LAYN: variants seen among roughly 807,000 people sequenced by gnomAD.
The protein encoded by LAYN is layilin.
A neutral mutation model predicts 43.6 loss-of-function variants in LAYN; 38 were observed. That is an observed-to-expected ratio of 0.87 (90% CI 0.67 to 1.14). The LOEUF (loss-of-function observed/expected upper bound fraction) is 1.14, where lower values mean the gene tolerates loss of function less well. Ranked by LOEUF, LAYN falls within the 50% of genes most tolerant of loss-of-function variation. The pLI, the probability that LAYN is intolerant of heterozygous loss-of-function variation, is 0.00. For missense variants in LAYN, 479 were observed against 463.8 expected, an observed-to-expected ratio of 1.03 and a Z score of -0.30; for synonymous variants, 168 against 172.9, an observed-to-expected ratio of 0.97 and a Z score of 0.22.
At position 111,560,339 on chromosome 11, in the gene LAYN, G is replaced by A. The variant is rs17852273; in HGVS notation, c.1006G>A (p.Val336Met). Reference sequence around the variant, plus strand: ...TGTGAACCCATCAGAAAGTGGGTTTGTGACTCTGGTGAGCGTGGAGAGTGG... The same window carrying A: ...TGTGAACCCATCAGAAAGTGGGTTTATGACTCTGGTGAGCGTGGAGAGTGG... ...MAVNPSESGF[V>M]TLVSVESGFV... The change falls in exon 7 of 7, where the codon GTG becomes ATG. Residue 336 changes from valine (V) to methionine (M), a missense_variant. Physicochemically the swap from Val to Met is conservative, Grantham distance 21. Transcript: ENST00000375614. 2 of 1,614,132 alleles carry A rather than the reference G, an allele frequency of 1.2e-6. No individual in the cohort carries two copies. Among genetic ancestry groups the A allele is most frequent in the African/African-American group, 2.7e-5 (2 of 74,948 alleles).
chr11:111,541,630 C>G (rs1315213831), intron 1 of LAYN: 1 of 1,513,836 alleles, frequency 6.6e-7, no homozygotes, highest in Admixed American at 2.0e-5. Context: ...TTCTGCATGT[C>G]GGGGGGAGAA....
intron 6 of LAYN, among the ~76,000 whole-genome samples, chr11:111,558,863 C>T (rs1387808371): frequency 6.6e-6 from 1 of 151,616 alleles, no homozygotes; most frequent in African/African-American, 2.4e-5. Context: ...TCTCGGCTCA[C>T]TGCAACCTCC....
At chr11:111,540,698 C>T, upstream of LAYN, 4 of 736,714 alleles carry the variant, frequency 5.4e-6, no homozygotes, top group Admixed American at 7.3e-5. Context: ...CGACTGACTC[C>T]GCGCCCTCCC....
rs1235296391 is a variant in LAYN, at chr11:111,561,508, T to G, written c.*1050T>G. On this transcript the variant is annotated 3_prime_UTR_variant, in exon 7 of 7. Transcript: ENST00000375614. ...ATAACATGACTAATAATGATGACAG[T>G]TCTACCTTTTGTTGACAGACCTCAT... is the stretch of plus-strand genomic sequence containing the variant. The G allele has an allele frequency of 1.3e-5, 2 of 152,238 alleles. No homozygotes were observed. The highest frequency in any genetic ancestry group is 2.9e-5 in the Non-Finnish European group (2 of 68,042). 9.4% of individuals were successfully genotyped at this position (152,238 alleles called of 1,614,324 possible).
intron 6 of LAYN, among the ~76,000 whole-genome samples, chr11:111,557,853 C>G (rs1429376610): frequency 3.9e-5 from 6 of 152,162 alleles, no homozygotes; most frequent in Non-Finnish European, 4.4e-5. Flanking sequence ...ACTTGCTTTA[C>G]TGTCTGTACG....
intron 1 of LAYN, 87 bp from the exon 2 acceptor site, chr11:111,543,836 G>A (rs2135790351): frequency 2.2e-6 from 3 of 1,343,512 alleles, no homozygotes; most frequent in African/African-American, 1.5e-5. Flanking sequence ...TCCTACCCAG[G>A]GATACCTTCC....
chr11:111,554,547 T>G lies in LAYN; in HGVS notation c.542-14T>G. 1 of 1,608,312 alleles carries G rather than the reference T, an allele frequency of 6.2e-7. No individual in the cohort carries two copies. Among genetic ancestry groups the G allele is most frequent in the Non-Finnish European group, 8.5e-7 (1 of 1,176,434 alleles). On this transcript the variant is annotated splice_polypyrimidine_tract_variant and intron_variant, in intron 3 of 6. Coordinates refer to ENST00000375614, the MANE Select transcript of LAYN (RefSeq NM_178834.5). ...CTTACTACTTATTTTTGTTTTTGTT[T>G]CTTTCTACTACAGAGAAACCAGCAG...
At chr11:111,559,504 G>A (rs780033902) in intron 6 of LAYN, among the ~76,000 whole-genome samples, 9 of 151,240 alleles carry the variant, frequency 6.0e-5, no homozygotes, top group Non-Finnish European at 7.4e-5. Flanking sequence ...TCACTCTGTC[G>A]CCCAAGCTGG....
intron 5 of LAYN, among the ~76,000 whole-genome samples, chr11:111,556,677 A>G (rs938969591): frequency 1.3e-5 from 2 of 152,140 alleles, no homozygotes; most frequent in Non-Finnish European, 2.9e-5. Context: ...GCTCATTGTT[A>G]TTATGGTGGT....
chr11:111,549,270 A>C (rs1867698577), intron 2 of LAYN, among the ~76,000 whole-genome samples: 2 of 152,236 alleles, frequency 1.3e-5, no homozygotes, highest in South Asian at 4.1e-4. Context: ...CTGAGATCTA[A>C]AAAAAGACAA....
At chr11:111,555,932 G>A (rs17112994) in intron 5 of LAYN, among the ~76,000 whole-genome samples, 1,744 of 152,236 alleles carry the variant, frequency 0.011, 45 homozygotes, top group African/African-American at 0.04. Flanking sequence ...ATAGGATATT[G>A]CAATAGTGCA....
chr11:111,560,046 C>T, intron 6 of LAYN, 49 bp from the exon 7 acceptor site: 2 of 1,543,254 alleles, frequency 1.3e-6, no homozygotes, highest in South Asian at 1.3e-5. Flanking sequence ...CAAGGGTATT[C>T]TCAATCACCT....
intron 1 of LAYN, 57 bp downstream of exon 1, chr11:111,540,985 CTG>C: frequency 6.8e-7 from 1 of 1,468,154 alleles, no homozygotes; most frequent in Admixed American, 2.0e-5. Context: ...TGCACCCCAG[CTG>C]CTGCTGACCC....
upstream of LAYN, chr11:111,540,694 A>C: frequency 1.4e-6 from 1 of 701,898 alleles, no homozygotes; most frequent in Non-Finnish European, 2.2e-6. Flanking sequence ...CGACCGACTG[A>C]CTCCGCGCCC....
At chr11:111,560,010 G>C in intron 6 of LAYN, 85 bp from the exon 7 acceptor site, 1 of 1,481,662 alleles carries the variant, frequency 6.7e-7, no homozygotes, top group Non-Finnish European at 9.0e-7. Flanking sequence ...GCCCAGGGCT[G>C]CTTCCTCTCG....
chr11:111,558,971 G>A (rs1867895261), intron 6 of LAYN, among the ~76,000 whole-genome samples: 1 of 151,684 alleles, frequency 6.6e-6, no homozygotes. Context: ...ATTTTTAGTA[G>A]AGATGGGTTT....
intron 2 of LAYN, among the ~76,000 whole-genome samples, chr11:111,549,188 T>C (rs1166794079): frequency 1.3e-5 from 2 of 152,214 alleles, no homozygotes; most frequent in Non-Finnish European, 2.9e-5. Context: ...AGTTGGTGGC[T>C]GTTGAAAATC....
intron 6 of LAYN, among the ~76,000 whole-genome samples, chr11:111,559,415 C>T (rs920798377): frequency 5.3e-5 from 8 of 151,856 alleles, no homozygotes; most frequent in African/African-American, 1.9e-4. Context: ...ATGGATGAGT[C>T]GTGTTTTTTG....
chr11:111,554,673 T>C, intron 4 of LAYN, 80 bp downstream of exon 4: 2 of 1,229,824 alleles, frequency 1.6e-6, no homozygotes, highest in Non-Finnish European at 2.4e-6. Flanking sequence ...CTATGTCCTT[T>C]GGACTGGATT....
Sources: gnomAD v4.1 joint callset for allele counts (sites outside exome capture counted in the v4.1 genomes callset) on GRCh38, gnomAD v4.1.1 for gene constraint, MANE v1.5 for transcripts, NCBI Gene and HGNC (gene_info 2026-07-23, HGNC 2026-07-21) for gene names.